MAML2: variants seen among roughly 807,000 people sequenced by gnomAD.
MAML2 encodes the protein mastermind like transcriptional coactivator 2.
MAML2 carries 22 observed loss-of-function variants against 96.1 expected under a neutral mutation model. The ratio of observed to expected loss-of-function variants is 0.23; its 90% CI spans 0.16 to 0.33. The LOEUF (loss-of-function observed/expected upper bound fraction) is 0.33, where lower values mean the gene tolerates loss of function less well. Among genes scored for constraint, MAML2 ranks in the 10% least tolerant of loss-of-function variants. The pLI, the probability that MAML2 is intolerant of heterozygous loss-of-function variation, is 1.00. For synonymous variants in MAML2, 561 were observed against 521.3 expected (o/e 1.08, Z -1.04); for missense variants, 1,367 against 1,392.4 (o/e 0.98, Z 0.29).
chr11:96,212,137 G>A (rs1184631995), intron 1 of MAML2, among the ~76,000 whole-genome samples: 3 of 150,248 alleles, frequency 2.0e-5, no homozygotes, highest in African/African-American at 4.9e-5. Flanking sequence ...GTGTGTGTGT[G>A]TGTGTGTGTG....
chr11:95,979,072 T>A lies in MAML2; in HGVS notation c.3347A>T (p.Asp1116Val), dbSNP rs753418825. ...ACTGTTTAGGGCAGGGCCCATGTTA[T>A]CATTTTGTTGGCTGAGGAAGTCAAA... The part of the protein sequence containing the change: ...LAFDFLSQQN[D>V]NMGPALNSDA... The change falls in exon 5 of 5, where the codon GAT (aspartate) becomes GTT (valine). Residue 1116 changes from aspartate to valine, a missense_variant. Physicochemically the swap from Asp to Val is radical, Grantham distance 152. Transcript: ENST00000524717. The A allele has an allele frequency of 3.4e-5, 55 of 1,613,900 alleles. No individual in the cohort carries two copies. Among genetic ancestry groups the A allele is most frequent in the Non-Finnish European group, 4.4e-5 (52 of 1,179,896 alleles).
Position 96,159,407 on chromosome 11 carries a change from C to CTTTTTTTTTTTT in MAML2, c.514-65902_514-65891dup, listed in dbSNP as rs760811590. Among the ~76,000 whole-genome samples, 246 of 91,114 alleles carry CTTTTTTTTTTTT rather than the reference C, an allele frequency of 2.7e-3. 29 individuals are homozygous for CTTTTTTTTTTTT. Among genetic ancestry groups the CTTTTTTTTTTTT allele is most frequent in the East Asian group, 3.1e-3 (7 of 2,268 alleles). The allele number at this position is 91,114 out of a possible 152,430, so 59.8% of individuals were successfully genotyped here. On this transcript the variant is annotated intron_variant, in intron 1 of 4. Transcript: ENST00000524717. ...TAACCGTGCCTCTAAACCACTGATT[C>CTTTTTTTTTTTT]TTTTTTTTTTTTTTTTTTTTTTTGA...
chr11:96,092,338 C>G lies in MAML2; in HGVS notation c.1693G>C (p.Asp565His). The G allele has an allele frequency of 6.2e-7, 1 of 1,609,934 alleles. No individual in the cohort carries two copies. The highest frequency in any genetic ancestry group is 8.5e-7 in the Non-Finnish European group (1 of 1,178,134). Residue 565 changes from aspartate to histidine, a missense_variant, in exon 2 of 5, where the codon GAT (aspartate) becomes CAT (histidine). By Grantham distance (81) the Asp-to-His change is moderately conservative. Transcript: ENST00000524717. This position sits in a 1 kb window ranked among gnomAD's most constrained non-coding sequence, Gnocchi z 4.1. Reference sequence around the variant, plus strand: ...GAAGGCATCTGCTGGTTCGCTTGATCTGAGTTAAAATGAAACAAAGGCTTG... The same window carrying G: ...GAAGGCATCTGCTGGTTCGCTTGATGTGAGTTAAAATGAAACAAAGGCTTG... ...NTKPLFHFNS[D>H]QANQQMPSVL...
At chr11:96,000,294 C>T (rs1013397590) in intron 2 of MAML2, among the ~76,000 whole-genome samples, 1 of 152,190 alleles carries the variant, frequency 6.6e-6, no homozygotes, top group Non-Finnish European at 1.5e-5. Context: ...GGTCAGCAAA[C>T]TATGGCATGA....
intron 1 of MAML2, among the ~76,000 whole-genome samples, chr11:96,251,567 T>A (rs1056312749): frequency 6.6e-6 from 1 of 152,194 alleles, no homozygotes; most frequent in Non-Finnish European, 1.5e-5. Context: ...GAGTTCTAGC[T>A]AAGCCCAAAA....
At chr11:96,077,019 A>C (rs1859450901) in intron 2 of MAML2, among the ~76,000 whole-genome samples, 1 of 152,092 alleles carries the variant, frequency 6.6e-6, no homozygotes, top group South Asian at 2.1e-4. Context: ...TACAAGGAGG[A>C]AAAACAAATG....
intron 1 of MAML2, among the ~76,000 whole-genome samples, chr11:96,259,745 T>A (rs1399684970): frequency 6.6e-6 from 1 of 152,230 alleles, no homozygotes; most frequent in Non-Finnish European, 1.5e-5. Context: ...GGCAGGGAAT[T>A]GTCATAAAAC....
At chr11:96,314,456 A>T (rs1232977772) in intron 1 of MAML2, among the ~76,000 whole-genome samples, 1 of 152,090 alleles carries the variant, frequency 6.6e-6, no homozygotes, top group Non-Finnish European at 1.5e-5. Flanking sequence ...TCCTCATACC[A>T]CAGATATTTT....
At chr11:96,265,733 C>G (rs1397923902) in intron 1 of MAML2, among the ~76,000 whole-genome samples, 1 of 152,226 alleles carries the variant, frequency 6.6e-6, no homozygotes, top group African/African-American at 2.4e-5. Flanking sequence ...CAGGCACCAG[C>G]AGGCCACTGA....
chr11:96,076,641 T>C (rs1384541275), intron 2 of MAML2, among the ~76,000 whole-genome samples: 1 of 152,046 alleles, frequency 6.6e-6, no homozygotes, highest in Non-Finnish European at 1.5e-5. Context: ...TTCTCACACA[T>C]TTGCCTCTGG....
intron 1 of MAML2, among the ~76,000 whole-genome samples, chr11:96,292,803 T>C (rs916805342): frequency 4.6e-5 from 7 of 152,194 alleles, no homozygotes; most frequent in Non-Finnish European, 8.8e-5. Flanking sequence ...GTCTGTTCTT[T>C]TAACAGCACA....
chr11:96,296,596 T>C (rs1458197197), intron 1 of MAML2, among the ~76,000 whole-genome samples: 1 of 152,046 alleles, frequency 6.6e-6, no homozygotes, highest in Non-Finnish European at 1.5e-5. Context: ...TGAGCTGAGA[T>C]TGTGCCACTG....
At chr11:96,048,870 C>T (rs919179974) in intron 2 of MAML2, among the ~76,000 whole-genome samples, 9 of 152,166 alleles carry the variant, frequency 5.9e-5, no homozygotes, top group African/African-American at 1.9e-4. Flanking sequence ...CAAATTCTTT[C>T]GTTGCACAGA....
intron 1 of MAML2, among the ~76,000 whole-genome samples, chr11:96,246,876 G>A (rs1490017141): frequency 6.6e-6 from 1 of 152,190 alleles, no homozygotes; most frequent in Non-Finnish European, 1.5e-5. Flanking sequence ...CCTCAGACCA[G>A]TAGTTCTCAC....
In MAML2 at chr11:96,171,348, G is replaced by A. The variant is rs114942533; in HGVS notation, c.514-77831C>T. 4.4e-3 allele frequency among the ~76,000 whole-genome samples: 669 copies of A among 152,086 alleles called. 4 individuals carry two copies. The highest frequency in any genetic ancestry group is 0.014 in the African/African-American group (591 of 41,466). ...CGTTCTTCTCTGTCTTATTCCCCTC[G>A]TGTTTCAAGACTCCATCCAGTATGG... On this transcript the variant is annotated intron_variant, in intron 1 of 4. Transcript: ENST00000524717.
intron 1 of MAML2, among the ~76,000 whole-genome samples, chr11:96,112,142 C>T (rs10831484): frequency 0.18 from 27,088 of 152,180 alleles, 2,723 homozygotes; most frequent in Middle Eastern, 0.26. Context: ...GAAACAGAAG[C>T]ATCAGTGGAT....
intron 1 of MAML2, among the ~76,000 whole-genome samples, chr11:96,179,166 CA>C (rs1353188029): frequency 6.6e-6 from 1 of 152,160 alleles, no homozygotes; most frequent in East Asian, 1.9e-4. Context: ...CCTTACCTTC[CA>C]AACACCTTTC....
At chr11:96,242,016 A>T (rs1386183845) in intron 1 of MAML2, among the ~76,000 whole-genome samples, 4 of 152,224 alleles carry the variant, frequency 2.6e-5, no homozygotes, top group Non-Finnish European at 5.9e-5. Context: ...ATGAGAGCCC[A>T]TGCAAGTGTG....
At chr11:96,152,886 TCA>T (rs1158101023) in intron 1 of MAML2, among the ~76,000 whole-genome samples, 1 of 152,190 alleles carries the variant, frequency 6.6e-6, no homozygotes, top group Non-Finnish European at 1.5e-5. Context: ...TGCCAGAATC[TCA>T]CAGATTGGAT....
Sources: gnomAD v4.1 joint callset for allele counts (sites outside exome capture counted in the v4.1 genomes callset) on GRCh38, gnomAD v4.1.1 for gene constraint, Gnocchi (gnomAD v3.1) non-coding constraint, MANE v1.5 for transcripts, NCBI Gene and HGNC (gene_info 2026-07-23, HGNC 2026-07-21) for gene names.